The following SPATS2 variants were observed in gnomAD, a reference collection of about 807,000 sequenced individuals.
SPATS2 encodes spermatogenesis-associated serine-rich protein 2.
A neutral mutation model predicts 63.7 loss-of-function variants in SPATS2; 38 were observed. The observed-to-expected ratio is 0.60, with a 90% CI of 0.46 to 0.78. SPATS2 has a LOEUF of 0.78. Among genes scored for constraint, SPATS2 ranks in the 30% least tolerant of loss-of-function variants. The pLI is 0.00. For synonymous variants in SPATS2, 207 were observed against 232.9 expected (o/e 0.89, Z 1.01); for missense variants, 588 against 666.2 (o/e 0.88, Z 1.29).
chr12:49,508,203 T>C (rs1352932558), intron 9 of SPATS2, among the ~76,000 whole-genome samples: 1 of 152,108 alleles, frequency 6.6e-6, no homozygotes, highest in African/African-American at 2.4e-5. Context: ...ATTGGTGTCA[T>C]AATTCCAGTT....
intron 2 of SPATS2, among the ~76,000 whole-genome samples, chr12:49,372,938 TTTTG>T (rs1311437468): frequency 2.6e-4 from 36 of 139,004 alleles, no homozygotes; most frequent in Middle Eastern, 3.6e-3. Flanking sequence ...TGATTTTCTG[TTTTG>T]TGTGTGTGTG....
At chr12:49,431,158 A>G (rs1042555975) in intron 2 of SPATS2, among the ~76,000 whole-genome samples, 1 of 152,168 alleles carries the variant, frequency 6.6e-6, no homozygotes, top group African/African-American at 2.4e-5. Flanking sequence ...TTTTTTGTCT[A>G]TCCTTCCAGG....
At chr12:49,433,697 C>A (rs1256566463) in intron 2 of SPATS2, among the ~76,000 whole-genome samples, 3 of 151,954 alleles carry the variant, frequency 2.0e-5, no homozygotes, top group African/African-American at 7.3e-5. Context: ...GGATATTAAC[C>A]CTTTATAATA....
intron 2 of SPATS2, among the ~76,000 whole-genome samples, chr12:49,385,828 T>G (rs556015246): frequency 8.6e-4 from 123 of 143,160 alleles, no homozygotes; most frequent in East Asian, 1.2e-3. Context: ...TTTTGTGGGG[T>G]TTTTTTTGTT....
At chr12:49,440,910 G>A (rs935007519) in intron 2 of SPATS2, among the ~76,000 whole-genome samples, 2 of 152,124 alleles carry the variant, frequency 1.3e-5, no homozygotes, top group Admixed American at 6.5e-5. Context: ...AGTATTTCAG[G>A]AGCCACATGA....
At chr12:49,467,283 C>G (rs555820679) in intron 3 of SPATS2, among the ~76,000 whole-genome samples, 20 of 147,266 alleles carry the variant, frequency 1.4e-4, no homozygotes, top group African/African-American at 5.0e-4. Context: ...AGGATGGTCT[C>G]GATATCCTGA....
chr12:49,392,366 A>G, intron 2 of SPATS2, among the ~76,000 whole-genome samples: 1 of 152,062 alleles, frequency 6.6e-6, no homozygotes, highest in East Asian at 1.9e-4. Context: ...TTCCTTCTGT[A>G]TGCTTCAATC....
chr12:49,408,612 GT>G, intron 2 of SPATS2, among the ~76,000 whole-genome samples: 1 of 121,440 alleles, frequency 8.2e-6, no homozygotes, highest in African/African-American at 3.3e-5. Flanking sequence ...CTGGAGTGCA[GT>G]GGTGCAATCT....
chr12:49,385,357 AGTGTGTGTGTGT>A lies in SPATS2; in HGVS notation c.-244+14089_-244+14100del, dbSNP rs57896651. Among the ~76,000 whole-genome samples, 214 of 142,086 alleles carry A rather than the reference AGTGTGTGTGTGT, an allele frequency of 1.5e-3. 2 individuals carry two copies. The highest frequency in any genetic ancestry group is 0.014 in the Middle Eastern group (4 of 282). The allele number at this position is 142,086 out of a possible 152,430, so 93.2% of individuals were successfully genotyped here. ...GACTGTGTGAGCATGTAAGTATATAAGTGTGTGTGTGTGTGTGTGTGTGTGTGTGTGTGGCAG... is the reference window on the plus strand; with the variant it reads ...GACTGTGTGAGCATGTAAGTATATAAGTGTGTGTGTGTGTGTGTGTGGCAG... On this transcript the variant is annotated intron_variant, in intron 2 of 13. Coordinates refer to ENST00000552918, the MANE Select transcript of SPATS2 (RefSeq NM_023071.4).
At chr12:49,378,635 G>A (rs114106608) in intron 2 of SPATS2, among the ~76,000 whole-genome samples, 2,855 of 150,124 alleles carry the variant, frequency 0.019, 80 homozygotes, top group African/African-American at 0.066. Flanking sequence ...TAGCCCTGTC[G>A]CCTAGGCTAC....
chr12:49,495,466 G>A (rs1036229131), intron 7 of SPATS2, among the ~76,000 whole-genome samples: 11 of 151,878 alleles, frequency 7.2e-5, no homozygotes, highest in African/African-American at 2.7e-4. Context: ...CAAAGTGCTG[G>A]GATTACAGGC....
intron 6 of SPATS2, among the ~76,000 whole-genome samples, chr12:49,492,717 G>A (rs1027220993): frequency 5.3e-5 from 8 of 152,164 alleles, no homozygotes; most frequent in Admixed American, 5.2e-4. Flanking sequence ...TAGTCCAATA[G>A]GATGTGACTC....
chr12:49,381,377 A>G (rs1270273388), intron 2 of SPATS2, among the ~76,000 whole-genome samples: 1 of 152,164 alleles, frequency 6.6e-6, no homozygotes, highest in African/African-American at 2.4e-5. Flanking sequence ...ATTGGAAGGA[A>G]ATTGCCTAGT....
In SPATS2 at chr12:49,511,044, T is replaced by C. The variant is rs554028992; in HGVS notation, c.840-3511T>C. Among the ~76,000 whole-genome samples, 7 of 151,982 alleles carry C rather than the reference T, an allele frequency of 4.6e-5. No individual in the cohort carries two copies. The South Asian group carries it at 1.5e-3, about 32-fold the overall frequency. On this transcript the variant is annotated intron_variant, in intron 9 of 13. Coordinates refer to ENST00000552918, the MANE Select transcript of SPATS2 (RefSeq NM_023071.4). The stretch of plus-strand genomic sequence containing the variant: ...ACCAAAACCCCATCTCTGCTAAAAA[T>C]AGAAAAATTAGCTGGGCGTGGTGCC...
chr12:49,454,003 C>G (rs1029916643), intron 2 of SPATS2, among the ~76,000 whole-genome samples: 2 of 151,698 alleles, frequency 1.3e-5, no homozygotes, highest in Admixed American at 6.6e-5. Flanking sequence ...GCTGGGACTA[C>G]AGGCTCCCGC....
In SPATS2 at chr12:49,383,143, G is replaced by A. The variant is rs530212215; in HGVS notation, c.-244+11853G>A. Among the ~76,000 whole-genome samples the A allele has an allele frequency of 2.0e-5, 3 of 151,248 alleles. No homozygotes were observed. The South Asian group carries it at 6.3e-4, about 32-fold the overall frequency. ...AGCGATTCTCCTGCCTCAGCCTCCC[G>A]GCTAGCTGGGATTACAGGCGCACAC... is the stretch of plus-strand genomic sequence containing the variant. On this transcript the variant is annotated intron_variant, in intron 2 of 13. Coordinates refer to ENST00000552918, the MANE Select transcript of SPATS2 (RefSeq NM_023071.4).
chr12:49,386,863 A>G (rs1270297848), intron 2 of SPATS2, among the ~76,000 whole-genome samples: 1 of 152,160 alleles, frequency 6.6e-6, no homozygotes, highest in African/African-American at 2.4e-5. Context: ...ATGAGTGGGT[A>G]AAGGACAAGA....
At chr12:49,379,464 T>C (rs1203000829) in intron 2 of SPATS2, among the ~76,000 whole-genome samples, 2 of 134,862 alleles carry the variant, frequency 1.5e-5, no homozygotes, top group African/African-American at 5.6e-5. Context: ...GGCAGGAGAA[T>C]GGCGTGAACC....
intron 3 of SPATS2, among the ~76,000 whole-genome samples, chr12:49,473,975 G>A (rs1946079895): frequency 6.6e-6 from 1 of 152,218 alleles, no homozygotes; most frequent in Non-Finnish European, 1.5e-5. Context: ...GTGAGTGGGA[G>A]AGGATTGAGA....
Sources: allele counts gnomAD v4.1 joint callset (sites outside exome capture counted in the v4.1 genomes callset), GRCh38; gene constraint gnomAD v4.1.1; transcripts MANE v1.5; gene names NCBI Gene and HGNC (gene_info 2026-07-23, HGNC 2026-07-21).